Variants in ATXN1 observed in about 807,000 individuals in gnomAD.
ATXN1 encodes the protein ataxin-1.
ATXN1 carries 8 observed loss-of-function variants against 56.4 expected under a neutral mutation model. The observed-to-expected ratio is 0.14, with a 90% CI of 0.08 to 0.26. ATXN1 has a LOEUF of 0.26. Among genes scored for constraint, ATXN1 ranks in the 10% least tolerant of loss-of-function variants. The pLI is 1.00. For missense variants in ATXN1, 987 were observed against 1,106.5 expected (o/e 0.89, Z 1.53); for synonymous variants, 514 against 494.6 (o/e 1.04, Z -0.52).
chr6:16,307,286 C>T (rs188441066), intron 7 of ATXN1, among the ~76,000 whole-genome samples: 1 of 152,324 alleles, frequency 6.6e-6, no homozygotes, highest in Admixed American at 6.5e-5. Flanking sequence ...TATTATCATA[C>T]AGGACAGGAC....
intron 3 of ATXN1, among the ~76,000 whole-genome samples, chr6:16,657,551 T>C (rs1025865407): frequency 3.9e-5 from 6 of 152,334 alleles, no homozygotes; most frequent in African/African-American, 1.4e-4. Context: ...CACAAATACA[T>C]TCTATTCAGA....
intron 6 of ATXN1, among the ~76,000 whole-genome samples, chr6:16,358,922 C>T (rs1490239307): frequency 2.0e-5 from 3 of 152,262 alleles, no homozygotes; most frequent in East Asian, 1.9e-4. Flanking sequence ...CAGGAACAAG[C>T]GGGAGCCCTG....
chr6:16,468,746 T>C (rs1476268485), intron 6 of ATXN1, among the ~76,000 whole-genome samples: 2 of 152,194 alleles, frequency 1.3e-5, no homozygotes, highest in African/African-American at 2.4e-5. Context: ...AATGCAAGCA[T>C]TTAAAAACTG....
At chr6:16,501,000 T>C (rs994995047) in intron 5 of ATXN1, among the ~76,000 whole-genome samples, 12 of 152,200 alleles carry the variant, frequency 7.9e-5, no homozygotes, top group African/African-American at 2.9e-4. Context: ...TCAGAATTGG[T>C]AAAATGTATT....
chr6:16,310,804 A>C (rs1473516929), intron 7 of ATXN1, among the ~76,000 whole-genome samples: 1 of 152,244 alleles, frequency 6.6e-6, no homozygotes, highest in African/African-American at 2.4e-5. Flanking sequence ...GATTTTATAC[A>C]CATTCAGACA....
At chr6:16,579,483 CCCCCCCCCCACCCGCCGAT>C (rs1762484968) in intron 4 of ATXN1, among the ~76,000 whole-genome samples, 1 of 35,304 alleles carries the variant, frequency 2.8e-5, no homozygotes, top group South Asian at 1.8e-3. Flanking sequence ...GGTCAAAGCC[CCCCCCCCCCACCCGCCGAT>C]TCATTCCCAA....
chr6:16,403,027 G>A (rs1233736801), intron 6 of ATXN1, among the ~76,000 whole-genome samples: 1 of 152,086 alleles, frequency 6.6e-6, no homozygotes, highest in Admixed American at 6.6e-5. Flanking sequence ...TCTTAAAACA[G>A]CGCTTTGAAT....
intron 5 of ATXN1, among the ~76,000 whole-genome samples, chr6:16,504,849 T>G (rs775168410): frequency 2.4e-4 from 36 of 152,178 alleles, no homozygotes; most frequent in Middle Eastern, 3.4e-3. Flanking sequence ...TTCAACCAGC[T>G]CTCTGACCTT....
At chr6:16,475,815 G>A (rs1760314709) in intron 6 of ATXN1, among the ~76,000 whole-genome samples, 1 of 151,838 alleles carries the variant, frequency 6.6e-6, no homozygotes, top group South Asian at 2.1e-4. Flanking sequence ...TTCTTAGCCT[G>A]AGGTTCCTGC....
chr6:16,676,237 G>A (rs1758658159), intron 2 of ATXN1, among the ~76,000 whole-genome samples: 1 of 152,096 alleles, frequency 6.6e-6, no homozygotes, highest in South Asian at 2.1e-4. Flanking sequence ...CCTTTTACAT[G>A]GCTAGTCAAG....
At chr6:16,366,168 C>A (rs1016931567) in intron 6 of ATXN1, among the ~76,000 whole-genome samples, 1 of 152,094 alleles carries the variant, frequency 6.6e-6, no homozygotes, top group African/African-American at 2.4e-5. Flanking sequence ...ACCTCTATGG[C>A]AAGTTTCATG....
chr6:16,515,512 C>G (rs1038054641), intron 5 of ATXN1, among the ~76,000 whole-genome samples: 1 of 152,170 alleles, frequency 6.6e-6, no homozygotes, highest in African/African-American at 2.4e-5. Flanking sequence ...GCAGGTTTCT[C>G]TTCACCACAT....
intron 4 of ATXN1, among the ~76,000 whole-genome samples, chr6:16,543,652 A>AAG (rs1554114383): frequency 0.011 from 1,579 of 143,492 alleles, 50 homozygotes; most frequent in Admixed American, 0.055. Context: ...AAAAAAAAAA[A>AAG]AGAGAGAGAG....
chr6:16,450,677 C>T (rs1759735694), intron 6 of ATXN1, among the ~76,000 whole-genome samples: 1 of 152,122 alleles, frequency 6.6e-6, no homozygotes, highest in Admixed American at 6.5e-5. Context: ...AACATAAAAC[C>T]ACCTCCATAT....
chr6:16,625,108 T>TTCCCAC (rs1208817174), intron 3 of ATXN1, among the ~76,000 whole-genome samples: 7 of 152,334 alleles, frequency 4.6e-5, no homozygotes, highest in East Asian at 3.9e-4. Context: ...TAGAAAAATC[T>TTCCCAC]TCCCACTCCC....
intron 4 of ATXN1, among the ~76,000 whole-genome samples, chr6:16,535,975 C>T (rs889667436): frequency 6.6e-6 from 1 of 152,012 alleles, no homozygotes; most frequent in Non-Finnish European, 1.5e-5. Flanking sequence ...CTTTGTGGGG[C>T]CAAAGAGGGT....
At chr6:16,570,538 T>C (rs1762313524) in intron 4 of ATXN1, among the ~76,000 whole-genome samples, 1 of 152,192 alleles carries the variant, frequency 6.6e-6, no homozygotes, top group East Asian at 1.9e-4. Context: ...CTAAGATAAC[T>C]AGGATCATAT....
intron 2 of ATXN1, among the ~76,000 whole-genome samples, chr6:16,679,392 AT>A (rs1758766205): frequency 6.6e-6 from 1 of 151,102 alleles, no homozygotes; most frequent in African/African-American, 2.4e-5. Context: ...GGATGGATGG[AT>A]GGATGGATGG....
intron 1 of ATXN1, 28 bp downstream of exon 1, chr6:16,761,270 G>A (rs1456541143): frequency 2.2e-6 from 1 of 444,914 alleles, no homozygotes. Flanking sequence ...GGAAAGAATC[G>A]GAGGAGGAAA....
Sources: gnomAD v4.1 joint callset for allele counts (sites outside exome capture counted in the v4.1 genomes callset) on GRCh38, gnomAD v4.1.1 for gene constraint, MANE v1.5 for transcripts, NCBI Gene and HGNC (gene_info 2026-07-23, HGNC 2026-07-21) for gene names.